The following RGS6 variants were observed in gnomAD, a reference collection of about 807,000 sequenced individuals.
The protein encoded by RGS6 is regulator of G-protein signaling 6.
Under a neutral mutation model 78.5 loss-of-function variants are expected in RGS6, and 30 were observed. That is an observed-to-expected ratio of 0.38 (90% CI 0.29 to 0.52). The LOEUF is 0.52. Among genes scored for constraint, RGS6 ranks in the 20% least tolerant of loss-of-function variants. The probability of loss-of-function intolerance (pLI) is 0.85; values close to 1 mark genes in which losing one functional copy is unlikely to be tolerated. For synonymous variants in RGS6, 206 were observed against 206.0 expected, an observed-to-expected ratio of 1.00 and a Z score of 0.00; for missense variants, 495 against 609.7, an observed-to-expected ratio of 0.81 and a Z score of 1.98.
chr14:71,877,960 A>C, the RGS6 span, among the ~76,000 whole-genome samples: 2 of 152,248 alleles, frequency 1.3e-5, no homozygotes, highest in Admixed American at 6.5e-5. Context: ...TCCAGACGCT[A>C]TTTGCCTGGG....
chr14:72,602,777 A>G, the RGS6 span, among the ~76,000 whole-genome samples: 1 of 152,352 alleles, frequency 6.6e-6, no homozygotes, highest in East Asian at 1.9e-4. Context: ...TTTAAACGGC[A>G]TAACTAGAGG....
chr14:72,526,027 C>A (rs1307943115), intron 15 of RGS6, among the ~76,000 whole-genome samples: 1 of 152,164 alleles, frequency 6.6e-6, no homozygotes, highest in Non-Finnish European at 1.5e-5. Flanking sequence ...TCCAAAATTT[C>A]TTGGTTGCTA....
At chr14:72,458,565 G>A (rs1188240208) in intron 5 of RGS6, among the ~76,000 whole-genome samples, 188 bp downstream of exon 5, 1 of 152,216 alleles carries the variant, frequency 6.6e-6, no homozygotes, top group Non-Finnish European at 1.5e-5. Context: ...GTAAAAGGCT[G>A]TCATTGAGAG....
chr14:72,414,577 C>T (rs2093666563), intron 3 of RGS6, among the ~76,000 whole-genome samples: 1 of 152,240 alleles, frequency 6.6e-6, no homozygotes, highest in African/African-American at 2.4e-5. Context: ...AAGTCATTCT[C>T]CGTCCAGCTG....
At chr14:72,497,440 G>C (rs997850646) in intron 13 of RGS6, among the ~76,000 whole-genome samples, 5 of 151,970 alleles carry the variant, frequency 3.3e-5, no homozygotes, top group African/African-American at 1.2e-4. Context: ...TCTTTTTCCT[G>C]ATATATTTCT....
intron 17 of RGS6, among the ~76,000 whole-genome samples, chr14:72,543,512 A>G (rs1020526020): frequency 3.3e-5 from 5 of 152,194 alleles, no homozygotes; most frequent in African/African-American, 1.2e-4. Flanking sequence ...AGTAGGAGAA[A>G]TCTGGCTAGT....
the RGS6 span, among the ~76,000 whole-genome samples, chr14:71,876,903 T>C: frequency 1.3e-5 from 2 of 152,152 alleles, no homozygotes; most frequent in African/African-American, 2.4e-5. Flanking sequence ...TTTGCTTGTC[T>C]GTAAAGGATT....
chr14:72,506,490 A>T (rs1029660345), intron 13 of RGS6, among the ~76,000 whole-genome samples: 1 of 152,238 alleles, frequency 6.6e-6, no homozygotes, highest in Non-Finnish European at 1.5e-5. Context: ...CAACATGTTC[A>T]AGTCTTTTCT....
At chr14:72,016,902 G>T (rs2087130614) in intron 2 of RGS6, among the ~76,000 whole-genome samples, 1 of 152,076 alleles carries the variant, frequency 6.6e-6, no homozygotes, top group South Asian at 2.1e-4. Context: ...CTCTTATCCT[G>T]GGTCTTCTCA....
At chr14:71,943,481 T>G (rs2090984131) in intron 1 of RGS6, among the ~76,000 whole-genome samples, 1 of 152,164 alleles carries the variant, frequency 6.6e-6, no homozygotes. Context: ...GGCATTGCTG[T>G]GTTAGTCAAG....
chr14:72,418,954 T>C (rs1158991676), intron 3 of RGS6, among the ~76,000 whole-genome samples: 1 of 152,086 alleles, frequency 6.6e-6, no homozygotes, highest in East Asian at 1.9e-4. Flanking sequence ...GTTAATCTGT[T>C]TTCCATGCAC....
At chr14:71,885,436 AAAATT>A in the RGS6 span, among the ~76,000 whole-genome samples, 1 of 152,232 alleles carries the variant, frequency 6.6e-6, no homozygotes, top group East Asian at 1.9e-4. Flanking sequence ...CTGGATTTGA[AAAATT>A]AAAAGTATTC....
At chr14:72,301,609 A>G (rs1016708313) in intron 2 of RGS6, among the ~76,000 whole-genome samples, 3 of 152,156 alleles carry the variant, frequency 2.0e-5, no homozygotes, top group Admixed American at 6.5e-5. Flanking sequence ...ACCTAAACAG[A>G]AATTTGCAAT....
At chr14:72,291,969 A>G (rs2063656294) in intron 2 of RGS6, among the ~76,000 whole-genome samples, 1 of 152,302 alleles carries the variant, frequency 6.6e-6, no homozygotes, top group Non-Finnish European at 1.5e-5. Context: ...ACGTCCAGAT[A>G]GATATGTGCA....
intron 3 of RGS6, among the ~76,000 whole-genome samples, chr14:72,373,149 AAAAT>A (rs2083869642): frequency 6.6e-6 from 1 of 152,208 alleles, no homozygotes. Flanking sequence ...GAAGGGAAAA[AAAAT>A]AGAAGATAAA....
At chr14:72,030,467 TATC>T (rs2090668295) in intron 2 of RGS6, among the ~76,000 whole-genome samples, 2 of 152,214 alleles carry the variant, frequency 1.3e-5, no homozygotes, top group African/African-American at 4.8e-5. Flanking sequence ...GTGTTGATCA[TATC>T]ATGGACATGG....
the RGS6 span, among the ~76,000 whole-genome samples, chr14:71,907,893 G>A: frequency 6.6e-6 from 1 of 152,096 alleles, no homozygotes; most frequent in Non-Finnish European, 1.5e-5. Context: ...CATACCCATT[G>A]GTGCACAGGA....
intron 3 of RGS6, among the ~76,000 whole-genome samples, chr14:72,356,325 C>T (rs1294871270): frequency 2.0e-5 from 3 of 152,178 alleles, no homozygotes; most frequent in Non-Finnish European, 4.4e-5. Context: ...CTCTCTCTCT[C>T]TCCTGCCGCT....
chr14:72,378,705 T>C (rs886505418), intron 3 of RGS6, among the ~76,000 whole-genome samples: 1 of 152,056 alleles, frequency 6.6e-6, no homozygotes, highest in South Asian at 2.1e-4. Flanking sequence ...ATAAAAAGTT[T>C]CCCAAAAAAG....
Sources: allele counts gnomAD v4.1 joint callset (sites outside exome capture counted in the v4.1 genomes callset), GRCh38; gene constraint gnomAD v4.1.1; transcripts MANE v1.5; gene names NCBI Gene and HGNC (gene_info 2026-07-23, HGNC 2026-07-21).